The following NLN variants were observed in gnomAD, a reference collection of about 807,000 sequenced individuals.
The protein encoded by NLN is neurolysin, mitochondrial.
A neutral mutation model predicts 79.9 loss-of-function variants in NLN; 64 were observed. The observed-to-expected ratio is 0.80, with a 90% CI of 0.65 to 0.99. The LOEUF (loss-of-function observed/expected upper bound fraction) is 0.99. Among genes scored for constraint, NLN ranks in the 50% least tolerant of loss-of-function variants. The pLI is 0.00. For synonymous variants in NLN, 267 were observed against 296.6 expected, an observed-to-expected ratio of 0.90 and a Z score of 1.02; for missense variants, 835 against 858.7, an observed-to-expected ratio of 0.97 and a Z score of 0.34.
chr5:65,758,714 G>A lies in NLN; in HGVS notation c.189G>A (p.Glu63=). 1 of 1,613,818 alleles carries A rather than the reference G, an allele frequency of 6.2e-7. No homozygotes were observed. Among genetic ancestry groups the A allele is most frequent in the Non-Finnish European group, 8.5e-7 (1 of 1,179,814 alleles). ...AGCAAATTAAAACAAGAACTGAGGA[G>A]CTCATTGTGCAGACCAAACAGGTGT... ...SPEQIKTRTE[E]LIVQTKQVYD... The change falls in exon 2 of 13, where the codon GAG becomes GAA. Residue 63 remains glutamate, a synonymous_variant. Transcript: ENST00000380985.
chr5:65,822,664 G>C (rs1460872474), intron 12 of NLN, 117 bp from the exon 13 acceptor site: 1 of 739,990 alleles, frequency 1.4e-6, no homozygotes, highest in East Asian at 2.5e-5. Context: ...AAAACATCTA[G>C]ACAGAGTAAG....
chr5:65,734,323 C>T (rs1758680145), intron 1 of NLN, among the ~76,000 whole-genome samples: 1 of 137,862 alleles, frequency 7.3e-6, no homozygotes, highest in Non-Finnish European at 1.6e-5. Flanking sequence ...AGGAAGCACA[C>T]GGTCATGTGT....
At chr5:65,777,323 C>T in intron 3 of NLN, 104 bp from the exon 4 acceptor site, 2 of 792,184 alleles carry the variant, frequency 2.5e-6, no homozygotes, top group Non-Finnish European at 4.4e-6. Context: ...CTATGTGCTT[C>T]ATAACCCAAC....
intron 3 of NLN, among the ~76,000 whole-genome samples, chr5:65,763,837 GTCA>G (rs1163126161): frequency 1.3e-5 from 2 of 151,854 alleles, no homozygotes; most frequent in Admixed American, 6.6e-5. Context: ...TATACAATGT[GTCA>G]TCAAGATTTA....
chr5:65,796,629 A>G (rs1760179110), intron 9 of NLN, among the ~76,000 whole-genome samples: 1 of 152,238 alleles, frequency 6.6e-6, no homozygotes, highest in African/African-American at 2.4e-5. Context: ...ATCCTTTCAG[A>G]TAGCCTGTAA....
intron 1 of NLN, among the ~76,000 whole-genome samples, chr5:65,726,350 T>A (rs1281145217): frequency 1.3e-5 from 2 of 152,218 alleles, no homozygotes; most frequent in Non-Finnish European, 2.9e-5. Flanking sequence ...AAATTGACAT[T>A]ATTTTTAGCC....
intron 1 of NLN, chr5:65,740,802 C>A (rs1204720926): frequency 7.1e-6 from 1 of 141,804 alleles, no homozygotes; most frequent in Non-Finnish European, 1.5e-5. Context: ...TGTTTGGTTA[C>A]TATAGCTTTG....
chr5:65,819,806 C>T (rs1414686681), intron 12 of NLN, among the ~76,000 whole-genome samples: 1 of 152,168 alleles, frequency 6.6e-6, no homozygotes, highest in Admixed American at 6.5e-5. Flanking sequence ...CACAAAAGAG[C>T]CTGGTACCCC....
At position 65,826,494 on chromosome 5, in the gene NLN, C is replaced by G. The variant is rs1350083044; in HGVS notation, c.*3579C>G. 1 of 152,220 alleles carries G rather than the reference C, an allele frequency of 6.6e-6. No homozygotes were observed. Among genetic ancestry groups the G allele is most frequent in the East Asian group, 1.9e-4 (1 of 5,202 alleles). The allele number at this position is 152,220 out of a possible 1,614,324, so 9.4% of individuals were successfully genotyped here. A position where few individuals can be genotyped will look rare whatever the true frequency, so the allele number is the denominator to read the frequency against. On this transcript the variant is annotated 3_prime_UTR_variant, in exon 13 of 13. Transcript: ENST00000380985. ...AAAATCCATTTTATTTGAATAGATG[C>G]AGTGACCACAGCTTCTTCCCTCAAA...
chr5:65,730,080 T>C (rs1310535083), intron 1 of NLN, among the ~76,000 whole-genome samples: 3 of 152,240 alleles, frequency 2.0e-5, no homozygotes, highest in African/African-American at 7.2e-5. Flanking sequence ...TTGTCTATTA[T>C]ATGCGAAATA....
At chr5:65,786,012 T>C in intron 7 of NLN, 102 bp downstream of exon 7, 1 of 1,031,966 alleles carries the variant, frequency 9.7e-7, no homozygotes, top group Admixed American at 2.4e-5. Context: ...CTACTTTTCC[T>C]TCATTTGAGA....
intron 1 of NLN, among the ~76,000 whole-genome samples, chr5:65,723,505 A>G (rs1234903988): frequency 6.6e-6 from 1 of 152,122 alleles, no homozygotes; most frequent in Non-Finnish European, 1.5e-5. Flanking sequence ...GAGAGGAGGG[A>G]ATAAATCTTC....
chr5:65,810,197 T>A (rs749076265), intron 11 of NLN, 32 bp downstream of exon 11: 2 of 1,596,110 alleles, frequency 1.3e-6, no homozygotes, highest in Non-Finnish European at 1.7e-6. Flanking sequence ...AGTTCATTTC[T>A]CTGTGAAGCA....
chr5:65,750,348 T>G (rs1759078301), intron 1 of NLN, among the ~76,000 whole-genome samples: 1 of 152,238 alleles, frequency 6.6e-6, no homozygotes, highest in Non-Finnish European at 1.5e-5. Flanking sequence ...CCTGCTGTGT[T>G]GGACTGCACA....
At chr5:65,763,964 A>G (rs181896306) in intron 3 of NLN, among the ~76,000 whole-genome samples, 1 of 152,156 alleles carries the variant, frequency 6.6e-6, no homozygotes. Flanking sequence ...TTCATGGTGA[A>G]AGTAAGTTAT....
chr5:65,734,274 A>G (rs1561178167), intron 1 of NLN, among the ~76,000 whole-genome samples: 1 of 139,278 alleles, frequency 7.2e-6, no homozygotes, highest in Non-Finnish European at 1.6e-5. Context: ...TGCTGGGTTT[A>G]CAGGCATGAG....
chr5:65,802,282 A>G (rs1288010315), intron 9 of NLN, among the ~76,000 whole-genome samples: 4 of 152,226 alleles, frequency 2.6e-5, no homozygotes, highest in Non-Finnish European at 4.4e-5. Context: ...GCACACAGCC[A>G]GGCATGCTGG....
At position 65,815,105 on chromosome 5, in the gene NLN, G is replaced by A. The variant is rs549502871; in HGVS notation, c.1980+2714G>A. ...AACTAGGTAAAGGTACAATTATGAC[G>A]TCTTACTGGCAATCATTGGTGAGGC... On this transcript the variant is annotated intron_variant, in intron 12 of 12. Transcript: ENST00000380985. 4.6e-5 allele frequency among the ~76,000 whole-genome samples: 7 copies of A among 152,226 alleles called. No individual in the cohort carries two copies. In the East Asian group the frequency reaches 7.7e-4, roughly 17 times the overall value.
At chr5:65,777,941 G>A (rs996169915) in intron 4 of NLN, among the ~76,000 whole-genome samples, 3 of 152,180 alleles carry the variant, frequency 2.0e-5, no homozygotes, top group African/African-American at 7.2e-5. Flanking sequence ...ACAAACAACT[G>A]ATAACTTAAA....
Sources: allele counts gnomAD v4.1 joint callset (sites outside exome capture counted in the v4.1 genomes callset), GRCh38; gene constraint gnomAD v4.1.1; transcripts MANE v1.5; gene names NCBI Gene and HGNC (gene_info 2026-07-23, HGNC 2026-07-21).